MUC5B: variants seen among roughly 807,000 people sequenced by gnomAD.
The protein encoded by MUC5B is mucin-5B.
Under a neutral mutation model 376.9 loss-of-function variants are expected in MUC5B, and 116 were observed. That is an observed-to-expected ratio of 0.31 (90% confidence interval 0.26 to 0.36). The LOEUF is 0.36. MUC5B is among the 10% of genes least tolerant of loss of function. The probability of loss-of-function intolerance (pLI) is 1.00; values close to 1 mark genes in which losing one functional copy is unlikely to be tolerated. For missense variants in MUC5B, 7,165 were observed against 7,769.9 expected (o/e 0.92, Z 2.93); for synonymous variants, 3,517 against 3,390.9 (o/e 1.04, Z -1.29).
rs1861892013 is a variant in MUC5B at position 1,226,715 on chromosome 11, C to T, written c.300C>T (p.Asn100=). The change falls in exon 4 of 49, where the codon AAC becomes AAT. Residue 100 remains asparagine, a synonymous_variant. Coordinates refer to ENST00000529681, the MANE Select transcript of MUC5B (RefSeq NM_002458.3). ...TCTTCCGCTTCCCTGGCCTTTGCAA[C>T]TACGTGTTCTCTGAGCACTGCCGCG... The part of the protein sequence containing the change: ...GDVFRFPGLC[N]YVFSEHCRAA... 1 of 1,612,830 alleles carries T rather than the reference C, an allele frequency of 6.2e-7. No individual in the cohort carries two copies. The highest frequency in any genetic ancestry group is 8.5e-7 in the Non-Finnish European group (1 of 1,179,826).
rs1381785726 is a variant in MUC5B, at chr11:1,223,200, GC to G, written c.70+13del. On this transcript the variant is annotated splice_region_variant and intron_variant, in intron 1 of 48. Transcript: ENST00000529681. ...CTCGTGGTGCCGCAGGCAGGTAAGA[GC>G]CCCCCACTCCGCCCCCTCTCGATGC... The G allele has an allele frequency of 4.2e-6, 3 of 710,756 alleles. No homozygotes were observed. Among genetic ancestry groups the G allele is most frequent in the Non-Finnish European group, 5.2e-6 (2 of 384,622 alleles). 44.0% of individuals were successfully genotyped at this position (710,756 alleles called of 1,614,324 possible).
chr11:1,238,532 G>A (rs1862203466), intron 25 of MUC5B, among the ~76,000 whole-genome samples: 3 of 152,308 alleles, frequency 2.0e-5, no homozygotes, highest in African/African-American at 7.2e-5. Flanking sequence ...TGGGCCACAT[G>A]ACCAGATCCA....
At chr11:1,256,578 C>T in intron 38 of MUC5B, 93 bp from the exon 39 acceptor site, 1 of 722,072 alleles carries the variant, frequency 1.4e-6, no homozygotes, top group Non-Finnish European at 2.2e-6. Context: ...ATCTCCTTCC[C>T]TGCTCCCCAC....
intron 1 of MUC5B, among the ~76,000 whole-genome samples, chr11:1,224,619 G>A (rs1269714509): frequency 1.3e-5 from 2 of 151,880 alleles, no homozygotes; most frequent in Admixed American, 1.3e-4. Context: ...GGCGGGAGCC[G>A]GGGCGTGGGA....
rs756085009 is a variant in MUC5B at position 1,245,955 on chromosome 11, G to C, written c.9075G>C (p.Leu3025=). ...TPGTAPPPKV[L]TSTATTPTAT... ...GAACAGCTCCCCCTCCCAAAGTGCT[G>C]ACCAGCACGGCCACCACACCCACAG... Residue 3025 remains leucine (L), a synonymous_variant, in exon 31 of 49, where the codon CTG becomes CTC. Coordinates refer to ENST00000529681, the MANE Select transcript of MUC5B (RefSeq NM_002458.3). 1.9e-6 allele frequency: 3 copies of C among 1,611,942 alleles called. No individual in the cohort carries two copies. In the East Asian group the frequency reaches 6.7e-5, roughly 36 times the overall value.
At chr11:1,230,718 A>G in intron 12 of MUC5B, 118 bp downstream of exon 12, 1 of 411,840 alleles carries the variant, frequency 2.4e-6, no homozygotes, top group Non-Finnish European at 3.2e-6. Flanking sequence ...TCCAGCCCCC[A>G]GGCCAGGTCC....
At chr11:1,232,977 C>A in intron 17 of MUC5B, 36 bp from the exon 18 acceptor site, 1 of 1,530,840 alleles carries the variant, frequency 6.5e-7, no homozygotes, top group South Asian at 1.2e-5. Context: ...GGCTGCTCGG[C>A]CGCTGACCTG....
rs370774190 is a variant in MUC5B, at chr11:1,260,788, C to G, written c.17069+60C>G. ...TGCGTGTGGTGGGTCCGCCCTGGCCCGTCAGCTGGCTGGCAGCCTGCTCTG... is the reference window on the plus strand; with the variant it reads ...TGCGTGTGGTGGGTCCGCCCTGGCCGGTCAGCTGGCTGGCAGCCTGCTCTG... On this transcript the variant is annotated intron_variant, in intron 48 of 48. Transcript: ENST00000529681. The G allele has an allele frequency of 2.3e-6, 3 of 1,294,702 alleles. No individual in the cohort carries two copies. The Admixed American group carries it at 5.8e-5, about 25-fold the overall frequency. The allele number at this position is 1,294,702 out of a possible 1,614,324, so 80.2% of individuals were successfully genotyped here.
chr11:1,230,259 G>T, intron 11 of MUC5B, 116 bp downstream of exon 11: 2 of 1,388,254 alleles, frequency 1.4e-6, no homozygotes, highest in South Asian at 1.4e-5. Context: ...CCTGCTGAGG[G>T]GGGAGCCCTG....
At position 1,250,496 on chromosome 11, in the gene MUC5B, A is replaced by T. The variant is rs1264226607; in HGVS notation, c.13616A>T (p.Gln4539Leu). The T allele has an allele frequency of 6.2e-7, 1 of 1,600,186 alleles. No homozygotes were observed. The highest frequency in any genetic ancestry group is 1.4e-5 in the African/African-American group (1 of 73,842). Residue 4539 changes from glutamine (Q) to leucine (L), a missense_variant, in exon 31 of 49, where the codon CAG (glutamine) becomes CTG (leucine). Gln to Leu is a moderately radical substitution (Grantham distance 113). This residue lies in a region of MUC5B where 4 missense variants were observed against 19.3 expected (regional missense o/e 0.21). Coordinates refer to ENST00000529681, the MANE Select transcript of MUC5B (RefSeq NM_002458.3). The stretch of plus-strand genomic sequence containing the variant: ...GGCACCACCTGGACCCGCCTATCAC[A>T]GACCACCACACCCACGGCCACCATG... Reference protein sequence around the residue: ...SLGTTWTRLSQTTTPTATMST... With the variant: ...SLGTTWTRLSLTTTPTATMST...
At position 1,249,683 on chromosome 11, in the gene MUC5B, C is replaced by A; in HGVS notation, c.12803C>A (p.Thr4268Asn). 3.7e-6 allele frequency: 6 copies of A among 1,610,058 alleles called. No individual in the cohort carries two copies. The highest frequency in any genetic ancestry group is 4.2e-6 in the Non-Finnish European group (5 of 1,177,692). The change falls in exon 31 of 49, where the codon ACC (threonine) becomes AAC (asparagine). Residue 4268 changes from threonine to asparagine, a missense_variant. Coordinates refer to ENST00000529681, the MANE Select transcript of MUC5B (RefSeq NM_002458.3). ...TTTASTGSTA[T>N]PSSTPGTAPP... is the part of the protein sequence containing the mutation. ...ACTGCATCCACTGGATCCACGGCCA[C>A]CCCGTCCTCCACCCCGGGAACAGCT... is the stretch of plus-strand genomic sequence containing the variant.
At position 1,236,954 on chromosome 11, in the gene MUC5B, C is replaced by T. The variant is rs55703838; in HGVS notation, c.3087C>T (p.Phe1029=). ...KGRVCGLCGN[F]DDNAINDFAT... Reference sequence around the variant, plus strand: ...GGGTCTGCGGCCTGTGCGGGAACTTCGACGACAATGCCATCAATGACTTTG... The same window carrying T: ...GGGTCTGCGGCCTGTGCGGGAACTTTGACGACAATGCCATCAATGACTTTG... Residue 1029 remains phenylalanine, a synonymous_variant, in exon 25 of 49, where the codon TTC becomes TTT. Coordinates refer to ENST00000529681, the MANE Select transcript of MUC5B (RefSeq NM_002458.3). The T allele has an allele frequency of 0.011, 16,847 of 1,509,192 alleles. 115 individuals are homozygous for T. Among genetic ancestry groups the T allele is most frequent in the South Asian group, 0.016 (1,195 of 74,174 alleles). The allele number at this position is 1,509,192 out of a possible 1,614,324, so 93.5% of individuals were successfully genotyped here. A position where few individuals can be genotyped will look rare whatever the true frequency, so the allele number is the denominator to read the frequency against.
chr11:1,249,637 C>T lies in MUC5B; in HGVS notation c.12757C>T (p.Leu4253=). The change falls in exon 31 of 49, where the codon CTG becomes TTG. Residue 4253 remains leucine, a synonymous_variant. Coordinates refer to ENST00000529681, the MANE Select transcript of MUC5B (RefSeq NM_002458.3). ...TPGTTWILTE[L]TTTATTTAST... ...GGGGACGACCTGGATCCTCACAGAG[C>T]TGACCACAACAGCCACTACGACTGC... 1 of 1,611,778 alleles carries T rather than the reference C, an allele frequency of 6.2e-7. No homozygotes were observed. Among genetic ancestry groups the T allele is most frequent in the Non-Finnish European group, 8.5e-7 (1 of 1,178,668 alleles).
chr11:1,233,998 C>T, intron 19 of MUC5B, 150 bp downstream of exon 19: 1 of 912,032 alleles, frequency 1.1e-6, no homozygotes, highest in Non-Finnish European at 1.7e-6. Context: ...GCACCCATGC[C>T]CTGACACGCC....
Position 1,248,485 on chromosome 11 carries a change from A to G in MUC5B, c.11605A>G (p.Thr3869Ala). ...TCACACTACCAAAGTGCCGACTACC[A>G]CAACCACGGGCTTCACAGTCACCCC... is the stretch of plus-strand genomic sequence containing the variant. ...TAHTTKVPTT[T>A]TTGFTVTPSS... Residue 3869 changes from threonine (T) to alanine (A), a missense_variant, in exon 31 of 49, where the codon ACA becomes GCA. Coordinates refer to ENST00000529681, the MANE Select transcript of MUC5B (RefSeq NM_002458.3). The G allele has an allele frequency of 6.2e-7, 1 of 1,611,446 alleles. No homozygotes were observed. The highest frequency in any genetic ancestry group is 8.5e-7 in the Non-Finnish European group (1 of 1,178,690).
chr11:1,233,859 C>CCCCTG lies in MUC5B; in HGVS notation c.2377+30_2377+34dup, dbSNP rs55859402. On this transcript the variant is annotated intron_variant, in intron 19 of 48. Transcript: ENST00000529681. ...TGCAGAAAAGCACAGGTAAGTGCCA[C>CCCCTG]CCCTGCCCTGCCCTGCCCTGCCCCG... 8.3e-6 allele frequency: 13 copies of CCCCTG among 1,568,372 alleles called. No individual in the cohort carries two copies. The highest frequency in any genetic ancestry group is 2.3e-5 in the South Asian group (2 of 86,424).
chr11:1,230,160 G>C lies in MUC5B; in HGVS notation c.1359+17G>C. 1 of 1,576,230 alleles carries C rather than the reference G, an allele frequency of 6.3e-7. No individual in the cohort carries two copies. The highest frequency in any genetic ancestry group is 1.2e-5 in the South Asian group (1 of 84,704). ...CTGTCCAAGGTCTGGGCTTGGGGCC[G>C]GGTCTTCAGACACCCAGACCCTCCT... On this transcript the variant is annotated intron_variant, in intron 11 of 48. Transcript: ENST00000529681.
Position 1,234,754 on chromosome 11 carries a change from G to A in MUC5B, c.2630+74G>A, listed in dbSNP as rs1272674335. 2.3e-6 allele frequency: 2 copies of A among 865,660 alleles called. No individual in the cohort carries two copies. The highest frequency in any genetic ancestry group is 3.4e-6 in the Non-Finnish European group (2 of 590,806). 53.6% of individuals were successfully genotyped at this position (865,660 alleles called of 1,614,324 possible). A position where few individuals can be genotyped will look rare whatever the true frequency, so the allele number is the denominator to read the frequency against. The stretch of plus-strand genomic sequence containing the variant: ...GGAGGGCAGCGGGTGGGGAGGCAGC[G>A]GGCAGGGAGGGCAGGGGGCGGGGAG... On this transcript the variant is annotated intron_variant, in intron 21 of 48. Coordinates refer to ENST00000529681, the MANE Select transcript of MUC5B (RefSeq NM_002458.3). This position sits in a 1 kb window ranked among gnomAD's most constrained non-coding sequence, Gnocchi z 6.3.
chr11:1,254,059 G>A, intron 33 of MUC5B, 33 bp from the exon 34 acceptor site: 2 of 1,596,820 alleles, frequency 1.3e-6, no homozygotes, highest in Admixed American at 1.7e-5. Flanking sequence ...CACCACCACG[G>A]AGCCTGCCAG....
Sources: gnomAD v4.1 joint callset for allele counts (sites outside exome capture counted in the v4.1 genomes callset) on GRCh38, gnomAD v4.1.1 for gene constraint, gnomAD v4.1.1 regional missense constraint, Gnocchi (gnomAD v3.1) non-coding constraint, MANE v1.5 for transcripts, NCBI Gene and HGNC (gene_info 2026-07-23, HGNC 2026-07-21) for gene names.